PPP1R10: variants seen among roughly 807,000 people sequenced by gnomAD.
PPP1R10 encodes serine/threonine-protein phosphatase 1 regulatory subunit 10.
In PPP1R10, 15 loss-of-function variants were observed where a neutral mutation model predicts 99.0. The observed-to-expected ratio is 0.15, with a 90% confidence interval of 0.10 to 0.23. The LOEUF is 0.23. PPP1R10 is among the 10% of genes least tolerant of loss of function. The pLI is 1.00. For missense variants in PPP1R10, 947 were observed against 1,259.4 expected, an observed-to-expected ratio of 0.75 and a Z score of 3.75; for synonymous variants, 430 against 449.5, an observed-to-expected ratio of 0.96 and a Z score of 0.55.
At chr6:30,603,937 A>G in intron 14 of PPP1R10, 71 bp downstream of exon 14, 2 of 1,523,060 alleles carry the variant, frequency 1.3e-6, no homozygotes, top group Non-Finnish European at 1.8e-6. Flanking sequence ...CCCCGTAATT[A>G]CCCCAGCTCA....
intron 2 of PPP1R10, among the ~76,000 whole-genome samples, chr6:30,614,921 T>C (rs1421306039): frequency 1.3e-5 from 2 of 152,228 alleles, no homozygotes; most frequent in Non-Finnish European, 2.9e-5. Context: ...AGATATTTTA[T>C]ATAATGAAAA....
Position 30,609,270 on chromosome 6 carries a change from G to T in PPP1R10, c.108-107C>A. ...GAGATTCCTAATGACTTGGGACTTT[G>T]CTCCAGAGAAGGGGAGTCACATATA... On this transcript the variant is annotated intron_variant, in intron 3 of 19. Transcript: ENST00000376511. The surrounding 1 kb of genome is among the most constrained non-coding windows in gnomAD (Gnocchi z 4.5). The T allele has an allele frequency of 9.8e-7, 1 of 1,021,598 alleles. No individual in the cohort carries two copies. The allele number at this position is 1,021,598 out of a possible 1,614,324, so 63.3% of individuals were successfully genotyped here.
Position 30,606,523 on chromosome 6 carries a change from C to T in PPP1R10, c.579G>A (p.Glu193=), listed in dbSNP as rs749281243. 1 of 1,613,962 alleles carries T rather than the reference C, an allele frequency of 6.2e-7. No individual in the cohort carries two copies. The highest frequency in any genetic ancestry group is 1.1e-5 in the South Asian group (1 of 91,064). Residue 193 remains glutamate, a synonymous_variant, in exon 8 of 20, where the codon GAG becomes GAA. Transcript: ENST00000376511. The surrounding 1 kb of genome is among the most constrained non-coding windows in gnomAD (Gnocchi z 6.3). ...CTGTGGTGCGAAGAGACTTGGGCTT[C>T]TCCCTCTTCTTCTCTGGGGCCTCCT... ...RAEEAPEKKR[E]KPKSLRTTAP...
rs1164471535 is a variant in PPP1R10, at chr6:30,601,998, T to A, written c.2651A>T (p.Asp884Val). The change falls in exon 19 of 20, where the codon GAT (aspartate) becomes GTT (valine). Residue 884 changes from aspartate (D) to valine (V), a missense_variant. Physicochemically the swap from Asp to Val is radical, Grantham distance 152 (BLOSUM62 -3). Coordinates refer to ENST00000376511, the MANE Select transcript of PPP1R10 (RefSeq NM_002714.4). ...GPPPHEHRGH[D>V]GPGHGGGGHR... The stretch of plus-strand genomic sequence containing the variant: ...GCCCCCTCCCCCGTGGCCAGGACCA[T>A]CATGGCCACGGTGCTCATGAGGTGG... The A allele has an allele frequency of 1.3e-6, 2 of 1,519,392 alleles. No homozygotes were observed. Among genetic ancestry groups the A allele is most frequent in the Non-Finnish European group, 1.8e-6 (2 of 1,133,966 alleles). 94.1% of individuals were successfully genotyped at this position (1,519,392 alleles called of 1,614,324 possible).
At chr6:30,610,566 G>T (rs569299392) in intron 2 of PPP1R10, among the ~76,000 whole-genome samples, 1 of 152,216 alleles carries the variant, frequency 6.6e-6, no homozygotes, top group African/African-American at 2.4e-5. Flanking sequence ...TCCCTAAGGA[G>T]ATCTGGGAGT....
chr6:30,607,996 T>A (rs1272377579), intron 5 of PPP1R10, 105 bp from the exon 6 acceptor site: 15 of 1,218,316 alleles, frequency 1.2e-5, no homozygotes, highest in East Asian at 4.9e-5. Flanking sequence ...TTTTTTTTTT[T>A]TTTATTTTTT....
At chr6:30,603,067 T>C (rs1803540105) in intron 17 of PPP1R10, 108 bp from the exon 18 acceptor site, 2 of 1,365,342 alleles carry the variant, frequency 1.5e-6, no homozygotes, top group Non-Finnish European at 1.0e-6. Context: ...GGCAGAGCAA[T>C]GCTCTCTCTG....
At chr6:30,610,988 C>T (rs932438587) in intron 2 of PPP1R10, among the ~76,000 whole-genome samples, 1 of 152,186 alleles carries the variant, frequency 6.6e-6, no homozygotes, top group Non-Finnish European at 1.5e-5. Context: ...TTTTTATCTA[C>T]ACTGCCTCTA....
chr6:30,603,325 G>C (rs778267034), intron 16 of PPP1R10, 40 bp from the exon 17 acceptor site: 11 of 1,591,210 alleles, frequency 6.9e-6, no homozygotes, highest in Non-Finnish European at 9.5e-6. Flanking sequence ...AGACAGAAAG[G>C]GTAACAACCA....
intron 6 of PPP1R10, among the ~76,000 whole-genome samples, chr6:30,607,158 G>A (rs1252942880): frequency 1.3e-5 from 2 of 152,182 alleles, no homozygotes; most frequent in Non-Finnish European, 2.9e-5. Flanking sequence ...ACTACACGTT[G>A]GGTGCAGTGT....
At chr6:30,616,293 G>A (rs892800531) in intron 2 of PPP1R10, among the ~76,000 whole-genome samples, 185 bp downstream of exon 2, 1 of 152,172 alleles carries the variant, frequency 6.6e-6, no homozygotes, top group East Asian at 1.9e-4. Flanking sequence ...AGGTGGTAGG[G>A]GAGAGAGAAC....
Position 30,602,674 on chromosome 6 carries a change from C to G in PPP1R10, c.1975G>C (p.Gly659Arg). ...GPMPGPHGGP[G>R]GPVGPRLLGP... ...AGAAGACGTGGACCCACTGGCCCACCAGGGCCTCCATGGGGACCTGTAAGG... is the reference window on the plus strand; with the variant it reads ...AGAAGACGTGGACCCACTGGCCCACGAGGGCCTCCATGGGGACCTGTAAGG... The change falls in exon 19 of 20, where the codon GGT (glycine) becomes CGT (arginine). Residue 659 changes from glycine (G) to arginine (R), a missense_variant. Around this residue, in one of 10 missense-constraint regions of PPP1R10, gnomAD observed 525 missense variants for 578.8 expected, o/e 0.91. Transcript: ENST00000376511. The surrounding 1 kb of genome is among the most constrained non-coding windows in gnomAD (Gnocchi z 6.7). The G allele has an allele frequency of 6.2e-7, 1 of 1,603,962 alleles. No homozygotes were observed. The highest frequency in any genetic ancestry group is 1.1e-5 in the South Asian group (1 of 90,224).
Position 30,606,310 on chromosome 6 carries a change from C to A in PPP1R10, c.635-67G>T, listed in dbSNP as rs1279022612. 3.2e-6 allele frequency: 5 copies of A among 1,584,874 alleles called. No individual in the cohort carries two copies. The East Asian group carries it at 1.1e-4, about 35-fold the overall frequency. ...CAGACCCCCGAATTTTCCTCCCGTT[C>A]TCACCCGCAAATGTTCTTCTAGCCT... On this transcript the variant is annotated intron_variant, in intron 8 of 19. Coordinates refer to ENST00000376511, the MANE Select transcript of PPP1R10 (RefSeq NM_002714.4). This position sits in a 1 kb window ranked among gnomAD's most constrained non-coding sequence, Gnocchi z 6.3.
intron 2 of PPP1R10, among the ~76,000 whole-genome samples, chr6:30,611,135 C>G (rs1475335557): frequency 3.9e-5 from 6 of 152,124 alleles, no homozygotes; most frequent in Admixed American, 3.9e-4. Context: ...ATGGCGAAAC[C>G]TCATCTCTAC....
intron 2 of PPP1R10, among the ~76,000 whole-genome samples, chr6:30,612,470 C>T (rs1804655713): frequency 6.6e-6 from 1 of 152,126 alleles, no homozygotes; most frequent in African/African-American, 2.4e-5. Context: ...GATCCAGGGA[C>T]TTTTTTATTC....
At chr6:30,605,159 A>G in intron 10 of PPP1R10, 65 bp from the exon 11 acceptor site, 2 of 1,428,882 alleles carry the variant, frequency 1.4e-6, no homozygotes, top group South Asian at 2.4e-5. Context: ...ACCTGCAAAC[A>G]CAGTCCAGGC....
Position 30,603,237 on chromosome 6 carries a change from A to G in PPP1R10, c.1816T>C (p.Tyr606His). The G allele has an allele frequency of 6.2e-7, 1 of 1,613,868 alleles. No homozygotes were observed. The highest frequency in any genetic ancestry group is 8.5e-7 in the Non-Finnish European group (1 of 1,179,750). Residue 606 changes from tyrosine (Y) to histidine (H), a missense_variant, in exon 17 of 20, where the codon TAT (tyrosine) becomes CAT (histidine). By Grantham distance (83) the Tyr-to-His change is moderately conservative (BLOSUM62 2). This residue lies in a region of PPP1R10 where 525 missense variants were observed against 578.8 expected (regional missense o/e 0.91). Transcript: ENST00000376511. ...AGCATCTGCTTGATCTTGTCCGAAT[A>G]GTCTGGTTGTTTCAGTAGTTCCTCT... ...PSEELLKQPD[Y>H]SDKIKQMLVP...
At chr6:30,616,055 G>C (rs1760489617) in intron 2 of PPP1R10, among the ~76,000 whole-genome samples, 1 of 152,154 alleles carries the variant, frequency 6.6e-6, no homozygotes, top group African/African-American at 2.4e-5. Context: ...CACACACAAA[G>C]AAGTGGTACT....
In PPP1R10 at chr6:30,602,174, G is replaced by A. The variant is rs61733218; in HGVS notation, c.2475C>T (p.Ala825=). The change falls in exon 19 of 20, where the codon GCC becomes GCT. Residue 825 remains alanine, a synonymous_variant. Coordinates refer to ENST00000376511, the MANE Select transcript of PPP1R10 (RefSeq NM_002714.4). This position sits in a 1 kb window ranked among gnomAD's most constrained non-coding sequence, Gnocchi z 6.7. ...PHEGPGGGMG[A]GGGHRPHEGP... ...CTTCGTGGGGGCGATGTCCACCACC[G>A]GCACCCATTCCTCCGCCAGGGCCTT... The A allele has an allele frequency of 0.013, 20,305 of 1,607,092 alleles. 498 individuals carry two copies. The highest frequency in any genetic ancestry group is 0.074 in the East Asian group (3,298 of 44,596).
Sources: gnomAD v4.1 joint callset for allele counts (sites outside exome capture counted in the v4.1 genomes callset) on GRCh38, gnomAD v4.1.1 for gene constraint, gnomAD v4.1.1 regional missense constraint, Gnocchi (gnomAD v3.1) non-coding constraint, MANE v1.5 for transcripts, NCBI Gene and HGNC (gene_info 2026-07-23, HGNC 2026-07-21) for gene names.